The following UGGT2 variants were observed in gnomAD, a reference collection of about 807,000 sequenced individuals.
UGGT2 encodes UDP-glucose:glycoprotein glucosyltransferase 2.
Under a neutral mutation model 192.1 loss-of-function variants are expected in UGGT2, and 180 were observed. That is an observed-to-expected ratio of 0.94 (90% CI 0.83 to 1.06). The LOEUF (loss-of-function observed/expected upper bound fraction) is 1.06, where lower values mean the gene tolerates loss of function less well. Among genes scored for constraint, UGGT2 ranks in the 50% least tolerant of loss-of-function variants. UGGT2 has a pLI of 0.00. For synonymous variants in UGGT2, 580 were observed against 591.0 expected, an observed-to-expected ratio of 0.98 and a Z score of 0.27; for missense variants, 1,849 against 1,795.7, an observed-to-expected ratio of 1.03 and a Z score of -0.54.
Position 95,894,547 on chromosome 13 carries a change from C to T in UGGT2, c.2855+15G>A, listed in dbSNP as rs189350892. 2,473 of 1,593,628 alleles carry T rather than the reference C, an allele frequency of 1.6e-3. 3 individuals are homozygous for T. Among genetic ancestry groups the T allele is most frequent in the Non-Finnish European group, 1.9e-3 (2,269 of 1,167,364 alleles). ...TTAACAGAAAAATCACAAACAAATA[C>T]GAATACATTCTTACCTGTGATTCTC... On this transcript the variant is annotated intron_variant, in intron 24 of 38. Transcript: ENST00000376747.
At chr13:95,950,664 T>C (rs754136719) in intron 12 of UGGT2, among the ~76,000 whole-genome samples, 3 of 149,118 alleles carry the variant, frequency 2.0e-5, no homozygotes, top group African/African-American at 7.3e-5. Flanking sequence ...ACTATCAATA[T>C]ATTTTTTAAA....
chr13:95,988,515 G>A (rs2051359950), intron 8 of UGGT2, among the ~76,000 whole-genome samples: 1 of 152,136 alleles, frequency 6.6e-6, no homozygotes, highest in South Asian at 2.1e-4. Context: ...ATAGGAAACT[G>A]TACACCAGAA....
intron 1 of UGGT2, among the ~76,000 whole-genome samples, chr13:96,051,766 C>T (rs2053493248): frequency 6.6e-6 from 1 of 151,966 alleles, no homozygotes; most frequent in Admixed American, 6.6e-5. Flanking sequence ...CAAATCAAAA[C>T]CACAATGCGA....
chr13:95,812,962 T>C (rs1417063785), intron 38 of UGGT2, among the ~76,000 whole-genome samples: 2 of 152,164 alleles, frequency 1.3e-5, no homozygotes, highest in East Asian at 3.8e-4. Context: ...AATTGTATAG[T>C]ATGTGAATTA....
chr13:95,888,985 T>A (rs761991440), intron 25 of UGGT2, among the ~76,000 whole-genome samples: 17 of 152,058 alleles, frequency 1.1e-4, no homozygotes, highest in Non-Finnish European at 1.9e-4. Context: ...GTTTGACTAA[T>A]TTATTTTTTA....
At chr13:95,836,273 G>A (rs978577690) in intron 37 of UGGT2, among the ~76,000 whole-genome samples, 1 of 152,126 alleles carries the variant, frequency 6.6e-6, no homozygotes, top group Non-Finnish European at 1.5e-5. Flanking sequence ...TGGTCTCGAA[G>A]TCCTGACCTG....
In UGGT2 at chr13:95,832,918, A is replaced by G; in HGVS notation, c.4528+9T>C. The G allele has an allele frequency of 3.1e-6, 5 of 1,611,766 alleles. No individual in the cohort carries two copies. Among genetic ancestry groups the G allele is most frequent in the Non-Finnish European group, 4.2e-6 (5 of 1,178,542 alleles). Reference sequence around the variant, plus strand: ...ATGTTTCAGACATCACAACACGTTGATGACTTACTTGTATCTTGCTTCTTG... The same window carrying G: ...ATGTTTCAGACATCACAACACGTTGGTGACTTACTTGTATCTTGCTTCTTG... On this transcript the variant is annotated intron_variant, in intron 38 of 38. Transcript: ENST00000376747.
chr13:95,854,342 TGTGATGCCCA>T lies in UGGT2; in HGVS notation c.4132_4141del (p.Trp1378IlefsTer3). 1 of 1,613,308 alleles carries T rather than the reference TGTGATGCCCA, an allele frequency of 6.2e-7. No individual in the cohort carries two copies. Among genetic ancestry groups the T allele is most frequent in the East Asian group, 2.2e-5 (1 of 44,838 alleles). On this transcript the variant is annotated frameshift_variant, in exon 35 of 39. Coordinates refer to ENST00000376747, the MANE Select transcript of UGGT2 (RefSeq NM_020121.4). LOFTEE classifies it high-confidence loss of function. ...GATATGGTATTTCCGTCTTAAAAGA[TGTGATGCCCA>T]GTATCCTGTTTTCCAGAAACGATAT...
chr13:95,896,506 T>C (rs1645744123), intron 22 of UGGT2, among the ~76,000 whole-genome samples: 1 of 152,096 alleles, frequency 6.6e-6, no homozygotes, highest in African/African-American at 2.4e-5. Context: ...GAATCAGCAG[T>C]CTTGGAAAAC....
intron 20 of UGGT2, among the ~76,000 whole-genome samples, chr13:95,922,917 A>C (rs1288853330): frequency 1.3e-5 from 2 of 152,260 alleles, no homozygotes; most frequent in African/African-American, 4.8e-5. Context: ...TAGGTATAAC[A>C]AAAATCAAGA....
At chr13:96,011,084 C>G (rs1227204252) in intron 5 of UGGT2, among the ~76,000 whole-genome samples, 1 of 152,130 alleles carries the variant, frequency 6.6e-6, no homozygotes, top group African/African-American at 2.4e-5. Context: ...CAACATCTAT[C>G]TCACAAGTTG....
At chr13:96,022,327 G>A (rs1443338935) in intron 4 of UGGT2, among the ~76,000 whole-genome samples, 9 of 151,806 alleles carry the variant, frequency 5.9e-5, no homozygotes, top group Admixed American at 3.3e-4. Context: ...AATCAGGTTC[G>A]GGAAAAACTG....
intron 38 of UGGT2, among the ~76,000 whole-genome samples, chr13:95,823,640 A>C (rs182705214): frequency 6.6e-6 from 1 of 152,082 alleles, no homozygotes; most frequent in African/African-American, 2.4e-5. Context: ...CCTTGAATTT[A>C]TGTGAATTCT....
intron 29 of UGGT2, among the ~76,000 whole-genome samples, chr13:95,869,687 C>T (rs1891053387): frequency 6.6e-6 from 1 of 152,156 alleles, no homozygotes; most frequent in African/African-American, 2.4e-5. Context: ...ACCAACAATG[C>T]TAAGCACCTG....
chr13:95,923,923 T>C (rs759483696), intron 20 of UGGT2, among the ~76,000 whole-genome samples: 7 of 152,304 alleles, frequency 4.6e-5, no homozygotes, highest in East Asian at 1.9e-4. Context: ...CGATTTTCTA[T>C]AAGGAACATG....
chr13:95,862,273 T>C (rs1387636845), intron 31 of UGGT2, among the ~76,000 whole-genome samples: 2 of 152,188 alleles, frequency 1.3e-5, no homozygotes, highest in African/African-American at 4.8e-5. Context: ...TTGACTACTA[T>C]AACCAAATAT....
intron 38 of UGGT2, among the ~76,000 whole-genome samples, chr13:95,823,794 T>C (rs1885742808): frequency 6.6e-6 from 1 of 152,106 alleles, no homozygotes; most frequent in African/African-American, 2.4e-5. Context: ...GTTCTATTCA[T>C]CAATATTAGT....
At chr13:96,001,188 CAAAA>C (rs1191079098) in intron 5 of UGGT2, among the ~76,000 whole-genome samples, 1 of 152,172 alleles carries the variant, frequency 6.6e-6, no homozygotes, top group African/African-American at 2.4e-5. Flanking sequence ...TGAAGAATCA[CAAAA>C]GAAGTGAAAA....
At chr13:96,045,231 A>G (rs2053274414) in intron 1 of UGGT2, among the ~76,000 whole-genome samples, 2 of 152,192 alleles carry the variant, frequency 1.3e-5, no homozygotes, top group Non-Finnish European at 2.9e-5. Context: ...TTAAAAATAA[A>G]TATTACATGA....
Sources: allele counts gnomAD v4.1 joint callset (sites outside exome capture counted in the v4.1 genomes callset), GRCh38; gene constraint gnomAD v4.1.1; transcripts MANE v1.5; gene names NCBI Gene and HGNC (gene_info 2026-07-23, HGNC 2026-07-21).